Variants in GADL1 observed in about 807,000 individuals in gnomAD.
GADL1 encodes GAD like acidic amino acid decarboxylase 1, also known as acidic amino acid decarboxylase GADL1.
Under a neutral mutation model 69.5 loss-of-function variants are expected in GADL1, and 71 were observed. The ratio of observed to expected loss-of-function variants is 1.02; its 90% CI spans 0.84 to 1.25. The LOEUF is 1.25. Ranked by LOEUF, GADL1 falls within the 50% of genes most tolerant of loss-of-function variation. The pLI, the probability that GADL1 is intolerant of heterozygous loss-of-function variation, is 0.00. For missense variants in GADL1, 737 were observed against 631.8 expected, an observed-to-expected ratio of 1.17 and a Z score of -1.79; for synonymous variants, 254 against 214.4, an observed-to-expected ratio of 1.18 and a Z score of -1.62.
chr3:30,892,725 A>G (rs1341980637), intron 1 of GADL1, among the ~76,000 whole-genome samples: 1 of 152,236 alleles, frequency 6.6e-6, no homozygotes, highest in Non-Finnish European at 1.5e-5. Flanking sequence ...GGTTAAAAAC[A>G]AAACAGCAGG....
intron 1 of GADL1, among the ~76,000 whole-genome samples, chr3:30,862,179 T>C (rs1024652578): frequency 8.6e-5 from 13 of 151,896 alleles, no homozygotes; most frequent in African/African-American, 3.1e-4. Flanking sequence ...CAACTGCCCC[T>C]AGGAGAGAGT....
chr3:30,830,361 T>C (rs985758517), intron 11 of GADL1, among the ~76,000 whole-genome samples: 2 of 152,010 alleles, frequency 1.3e-5, no homozygotes, highest in Non-Finnish European at 2.9e-5. Context: ...TCACAAAAAA[T>C]TTTGGTTAAA....
chr3:30,811,418 T>C (rs985039532), intron 11 of GADL1, among the ~76,000 whole-genome samples: 3 of 152,220 alleles, frequency 2.0e-5, no homozygotes, highest in African/African-American at 7.2e-5. Flanking sequence ...TACAAGCATT[T>C]AAAAATAGTA....
At chr3:30,891,659 A>AAT (rs911156817) in intron 1 of GADL1, among the ~76,000 whole-genome samples, 5 of 152,260 alleles carry the variant, frequency 3.3e-5, no homozygotes, top group African/African-American at 7.2e-5. Context: ...AATAAAAAAA[A>AAT]AAATAAAAAG....
intron 11 of GADL1, among the ~76,000 whole-genome samples, chr3:30,803,402 G>GCA (rs1293506183): frequency 1.3e-5 from 2 of 151,930 alleles, no homozygotes; most frequent in African/African-American, 4.8e-5. Context: ...CACGACACAG[G>GCA]CACACACACT....
At chr3:30,807,371 G>T (rs1371438268) in intron 11 of GADL1, among the ~76,000 whole-genome samples, 1 of 152,186 alleles carries the variant, frequency 6.6e-6, no homozygotes, top group African/African-American at 2.4e-5. Flanking sequence ...CAGTTATACA[G>T]TTATAGAAGT....
At chr3:30,811,048 C>CT (rs1260053885) in intron 11 of GADL1, among the ~76,000 whole-genome samples, 1 of 152,158 alleles carries the variant, frequency 6.6e-6, no homozygotes, top group Non-Finnish European at 1.5e-5. Context: ...CAAGACTCCC[C>CT]TTCCCCTTCC....
chr3:30,817,989 T>A (rs376646020), intron 11 of GADL1, among the ~76,000 whole-genome samples: 13 of 152,298 alleles, frequency 8.5e-5, no homozygotes, highest in African/African-American at 2.6e-4. Flanking sequence ...GTTTCTGGAC[T>A]ACATTTAAAA....
rs1208831335 is a variant in GADL1, at chr3:30,801,106, T to C, written c.1051-18A>G. Reference sequence around the variant, plus strand: ...AGAAGATCCTTCGAAAAAGAAAAGATTACAAGACTGTTAAACTTTAGAATA... The same window carrying C: ...AGAAGATCCTTCGAAAAAGAAAAGACTACAAGACTGTTAAACTTTAGAATA... On this transcript the variant is annotated intron_variant, in intron 11 of 14. Transcript: ENST00000282538. 2 of 1,496,454 alleles carry C rather than the reference T, an allele frequency of 1.3e-6. No homozygotes were observed. Among genetic ancestry groups the C allele is most frequent in the Non-Finnish European group, 1.8e-6 (2 of 1,103,046 alleles). 92.7% of individuals were successfully genotyped at this position (1,496,454 alleles called of 1,614,324 possible).
At chr3:30,781,136 A>C (rs1696655587) in intron 13 of GADL1, among the ~76,000 whole-genome samples, 1 of 152,182 alleles carries the variant, frequency 6.6e-6, no homozygotes, top group Non-Finnish European at 1.5e-5. Flanking sequence ...TATCTAGTGA[A>C]GGGTACAAAA....
At position 30,727,125 on chromosome 3, in the gene GADL1, G is replaced by GTATA. The variant is rs901355381; in HGVS notation, c.*1113_*1116dup. On this transcript the variant is annotated 3_prime_UTR_variant, in exon 15 of 15. Transcript: ENST00000282538. ...TATACACACACATATGTATGTGTGT[G>GTATA]TATATATATACATATATATGTATAT... 2 of 149,484 alleles carry GTATA rather than the reference G, an allele frequency of 1.3e-5. No homozygotes were observed. Among genetic ancestry groups the GTATA allele is most frequent in the African/African-American group, 2.5e-5 (1 of 40,584 alleles). The allele number at this position is 149,484 out of a possible 1,614,324, so 9.3% of individuals were successfully genotyped here.
chr3:30,731,183 T>C (rs939582438), intron 14 of GADL1, among the ~76,000 whole-genome samples: 1 of 152,222 alleles, frequency 6.6e-6, no homozygotes, highest in Admixed American at 6.5e-5. Context: ...CTTGCGGTTC[T>C]GTGGTTCTTG....
chr3:30,772,167 C>T (rs1012115310), intron 14 of GADL1, among the ~76,000 whole-genome samples: 6 of 151,490 alleles, frequency 4.0e-5, no homozygotes, highest in East Asian at 1.9e-4. Context: ...AAAACAAACC[C>T]GTCAAGTAGA....
At chr3:30,759,724 T>C (rs1179372495) in intron 14 of GADL1, among the ~76,000 whole-genome samples, 1 of 152,232 alleles carries the variant, frequency 6.6e-6, no homozygotes, top group Non-Finnish European at 1.5e-5. Context: ...CTTCACTTCC[T>C]TAGAAGTAAC....
At chr3:30,768,568 G>T (rs1380317822) in intron 14 of GADL1, among the ~76,000 whole-genome samples, 2 of 149,298 alleles carry the variant, frequency 1.3e-5, no homozygotes, top group Non-Finnish European at 3.0e-5. Context: ...AGAAGGGGTG[G>T]GGAGGGGGAG....
At chr3:30,757,649 C>T (rs921372364) in intron 14 of GADL1, among the ~76,000 whole-genome samples, 6 of 152,096 alleles carry the variant, frequency 3.9e-5, no homozygotes, top group African/African-American at 1.2e-4. Context: ...AATGAGTAAA[C>T]ACAGAAGGAC....
At position 30,857,047 on chromosome 3, in the gene GADL1, C is replaced by G. The variant is rs1384289687; in HGVS notation, c.305G>C (p.Cys102Ser). 1 of 1,549,710 alleles carries G rather than the reference C, an allele frequency of 6.5e-7. No homozygotes were observed. The highest frequency in any genetic ancestry group is 8.7e-7 in the Non-Finnish European group (1 of 1,145,626). Reference protein sequence around the residue: ...GEPPHKLLELCRDVIHYSVKT... With the variant: ...GEPPHKLLELSRDVIHYSVKT... ...GACACTGTAGTGTATGACATCCCGA[C>G]AGAGTTCCAATAGTTTATGGGGTGG... is the stretch of plus-strand genomic sequence containing the variant. The change falls in exon 3 of 15, where the codon TGT becomes TCT. Residue 102 changes from cysteine (C) to serine (S), a missense_variant. Physicochemically the swap from Cys to Ser is moderately radical, Grantham distance 112. Coordinates refer to ENST00000282538, the MANE Select transcript of GADL1 (RefSeq NM_207359.3).
intron 11 of GADL1, among the ~76,000 whole-genome samples, chr3:30,832,186 A>G (rs148071219): frequency 2.0e-3 from 307 of 152,002 alleles, no homozygotes; most frequent in African/African-American, 7.0e-3. Flanking sequence ...TTCCATTTAA[A>G]TTGAAAACGG....
At chr3:30,881,908 T>A (rs1323527120) in intron 1 of GADL1, among the ~76,000 whole-genome samples, 1 of 151,890 alleles carries the variant, frequency 6.6e-6, no homozygotes, top group African/African-American at 2.4e-5. Context: ...CCTGTTGCTG[T>A]CTTGCCTGTC....
Sources: allele counts gnomAD v4.1 joint callset (sites outside exome capture counted in the v4.1 genomes callset), GRCh38; gene constraint gnomAD v4.1.1; transcripts MANE v1.5; gene names NCBI Gene and HGNC (gene_info 2026-07-23, HGNC 2026-07-21).